The following CUX1 variants were observed in gnomAD, a reference collection of about 807,000 sequenced individuals.
The protein encoded by CUX1 is cut like homeobox 1, also known as protein CASP.
CUX1 carries 31 observed loss-of-function variants against 158.8 expected under a neutral mutation model. The observed-to-expected ratio is 0.20, with a 90% CI of 0.15 to 0.26. The LOEUF (loss-of-function observed/expected upper bound fraction) is 0.26, where lower values mean the gene tolerates loss of function less well. Among genes scored for constraint, CUX1 ranks in the 10% least tolerant of loss-of-function variants. The probability of loss-of-function intolerance (pLI) is 1.00; values close to 1 mark genes in which losing one functional copy is unlikely to be tolerated. For synonymous variants in CUX1, 879 were observed against 862.1 expected (o/e 1.02, Z -0.34); for missense variants, 1,589 against 2,014.6 (o/e 0.79, Z 4.04).
At chr7:101,857,556 A>C (rs370545977) in intron 1 of CUX1, among the ~76,000 whole-genome samples, 1 of 152,280 alleles carries the variant, frequency 6.6e-6, no homozygotes, top group East Asian at 1.9e-4. Context: ...TCACCCGTTG[A>C]GGATGAATTT....
At chr7:102,280,955 G>T in intron 20 of CUX1, 2 of 1,172,086 alleles carry the variant, frequency 1.7e-6, no homozygotes, top group South Asian at 1.3e-5. Context: ...GGCTGGAGGA[G>T]CCGCCAGCCC....
chr7:102,273,933 T>A (rs1554546961), intron 15 of CUX1, among the ~76,000 whole-genome samples: 1 of 152,244 alleles, frequency 6.6e-6, no homozygotes, highest in African/African-American at 2.4e-5. Context: ...CTGTCCCAGG[T>A]CACGTGGCAG....
At chr7:101,862,582 T>C (rs1797570768) in intron 1 of CUX1, among the ~76,000 whole-genome samples, 1 of 152,164 alleles carries the variant, frequency 6.6e-6, no homozygotes, top group African/African-American at 2.4e-5. Flanking sequence ...TCCTCTGACT[T>C]GCCTATAAAA....
chr7:101,964,127 G>A (rs1261171823), intron 2 of CUX1, among the ~76,000 whole-genome samples: 4 of 152,054 alleles, frequency 2.6e-5, no homozygotes, highest in African/African-American at 7.2e-5. Flanking sequence ...CGAGGCAGGT[G>A]GATCACCTGA....
At chr7:102,208,440 C>T (rs941812445) in intron 20 of CUX1, among the ~76,000 whole-genome samples, 4 of 152,224 alleles carry the variant, frequency 2.6e-5, no homozygotes, top group African/African-American at 9.6e-5. Flanking sequence ...GGGGTTTCGC[C>T]CTGTTGGCCA....
chr7:101,817,042 C>G, upstream of CUX1: 2 of 984,492 alleles, frequency 2.0e-6, no homozygotes, highest in Non-Finnish European at 2.4e-6. This position sits in a 1 kb window ranked among gnomAD's most constrained non-coding sequence, Gnocchi z 4.1. Context: ...CGGACCCCCG[C>G]GGGGGCTCTT....
At chr7:101,965,183 C>G (rs1158955117) in intron 2 of CUX1, among the ~76,000 whole-genome samples, 1 of 152,192 alleles carries the variant, frequency 6.6e-6, no homozygotes, top group African/African-American at 2.4e-5. Flanking sequence ...AGTCGTGCCT[C>G]TTCCCTAACA....
At chr7:101,837,769 T>A (rs907033584) in intron 1 of CUX1, among the ~76,000 whole-genome samples, 4 of 125,414 alleles carry the variant, frequency 3.2e-5, no homozygotes, top group African/African-American at 1.3e-4. Context: ...AGGTCGAAGG[T>A]GCAGGGAGCC....
intron 1 of CUX1, among the ~76,000 whole-genome samples, chr7:101,904,346 C>T (rs565853941): frequency 8.5e-5 from 13 of 152,096 alleles, no homozygotes; most frequent in East Asian, 5.8e-4. Flanking sequence ...ATTTTGTCTC[C>T]GCCTCTGTCC....
chr7:102,165,084 G>C (rs1790867552), intron 9 of CUX1, among the ~76,000 whole-genome samples: 1 of 152,100 alleles, frequency 6.6e-6, no homozygotes, highest in Admixed American at 6.6e-5. Flanking sequence ...CCTCCCAAGA[G>C]AATTCCTAAC....
Position 102,196,765 on chromosome 7 carries a change from T to C in CUX1, c.1354T>C (p.Ser452Pro). ...ASNTNGTHQF[S>P]PAGLSQDFFS... ...CAATACTAATGGTACACACCAGTTC[T>C]CACCAGCGGGGTTAAGTCAAGACTT... Residue 452 changes from serine to proline, a missense_variant, in exon 15 of 24, where the codon TCA (serine) becomes CCA (proline). By Grantham distance (74) the Ser-to-Pro change is moderately conservative (BLOSUM62 -1). Transcript: ENST00000292535. The C allele has an allele frequency of 6.2e-7, 1 of 1,614,190 alleles. No individual in the cohort carries two copies. The highest frequency in any genetic ancestry group is 8.5e-7 in the Non-Finnish European group (1 of 1,180,048).
intron 2 of CUX1, among the ~76,000 whole-genome samples, chr7:101,968,380 G>C (rs1398332352): frequency 6.6e-6 from 1 of 152,108 alleles, no homozygotes; most frequent in East Asian, 1.9e-4. Context: ...TTGTTAAAGT[G>C]TCTGGGAGTC....
At chr7:102,109,661 G>A (rs1830690365) in intron 6 of CUX1, among the ~76,000 whole-genome samples, 2 of 151,968 alleles carry the variant, frequency 1.3e-5, no homozygotes, top group Non-Finnish European at 2.9e-5. Context: ...GTGCACACCT[G>A]TAATTCCAGC....
intron 2 of CUX1, among the ~76,000 whole-genome samples, chr7:101,968,160 C>T (rs1811461331): frequency 6.6e-6 from 1 of 152,068 alleles, no homozygotes; most frequent in Non-Finnish European, 1.5e-5. Flanking sequence ...CCACCTTGGC[C>T]TCCCAAAATG....
At chr7:101,947,778 T>C (rs1808573800) in intron 2 of CUX1, among the ~76,000 whole-genome samples, 1 of 152,154 alleles carries the variant, frequency 6.6e-6, no homozygotes, top group African/African-American at 2.4e-5. Flanking sequence ...TTTTTGGATG[T>C]AGACAAAAAT....
chr7:102,058,127 C>T lies in CUX1; in HGVS notation c.190-12212C>T, dbSNP rs183302565. ...TCGTTAGCATATTTTGGCAATAAAG[C>T]ATTTTTTAATTAAGATATGTACATT... is the stretch of plus-strand genomic sequence containing the variant. On this transcript the variant is annotated intron_variant, in intron 3 of 23. Coordinates refer to ENST00000292535, the MANE Select transcript of CUX1 (RefSeq NM_181552.4). 7.9e-5 allele frequency among the ~76,000 whole-genome samples: 12 copies of T among 152,272 alleles called. No homozygotes were observed. In the East Asian group the frequency reaches 2.3e-3, roughly 29 times the overall value.
intron 8 of CUX1, among the ~76,000 whole-genome samples, chr7:102,130,416 C>G (rs1833088323): frequency 6.6e-6 from 1 of 152,148 alleles, no homozygotes; most frequent in African/African-American, 2.4e-5. Context: ...TAAGGTGGCT[C>G]ACACCTGTAA....
downstream of CUX1, among the ~76,000 whole-genome samples, chr7:102,259,926 T>C (rs1231388118): frequency 6.6e-6 from 1 of 150,658 alleles, no homozygotes; most frequent in Non-Finnish European, 1.5e-5. Context: ...TGAGACCCCA[T>C]CTCTACAAAA....
intron 2 of CUX1, among the ~76,000 whole-genome samples, chr7:102,003,295 AACACACACAC>A (rs56760446): frequency 5.2e-4 from 69 of 131,972 alleles, no homozygotes; most frequent in East Asian, 2.6e-3. Context: ...CCTGGTGCCG[AACACACACAC>A]ACACACACAC....
Sources: allele counts gnomAD v4.1 joint callset (sites outside exome capture counted in the v4.1 genomes callset), GRCh38; gene constraint gnomAD v4.1.1; non-coding constraint Gnocchi (gnomAD v3.1); transcripts MANE v1.5; gene names NCBI Gene and HGNC (gene_info 2026-07-23, HGNC 2026-07-21).